Variants in ATP5MK observed in about 807,000 individuals in gnomAD.
The protein encoded by ATP5MK is ATP synthase F(0) complex subunit k, mitochondrial.
Under a neutral mutation model 6.6 loss-of-function variants are expected in ATP5MK, and 5 were observed. The ratio of observed to expected loss-of-function variants is 0.76; its 90% CI spans 0.40 to 1.60. ATP5MK has a LOEUF of 1.60. ATP5MK is among the 40% of genes most tolerant of loss of function. The pLI is 0.02. For synonymous variants in ATP5MK, 30 were observed against 24.5 expected, an observed-to-expected ratio of 1.22 and a Z score of -0.66; for missense variants, 57 against 66.6, an observed-to-expected ratio of 0.86 and a Z score of 0.50.
intron 4 of ATP5MK, among the ~76,000 whole-genome samples, chr10:103,390,618 G>C (rs566612791): frequency 6.6e-6 from 1 of 152,042 alleles, no homozygotes. Context: ...GTGAAACCCC[G>C]TCTCTACTAA....
intron 4 of ATP5MK, among the ~76,000 whole-genome samples, chr10:103,390,227 C>T (rs1592099151): frequency 6.6e-6 from 1 of 152,132 alleles, no homozygotes; most frequent in Non-Finnish European, 1.5e-5. Context: ...CACAGTGGCT[C>T]ATGCCTGTAA....
intron 2 of ATP5MK, among the ~76,000 whole-genome samples, chr10:103,395,503 A>G (rs2093430019): frequency 6.6e-6 from 1 of 150,866 alleles, no homozygotes; most frequent in South Asian, 2.1e-4. Flanking sequence ...TCACCATACT[A>G]CTCAGGCTGG....
chr10:103,389,733 T>TA, intron 4 of ATP5MK, among the ~76,000 whole-genome samples: 1 of 151,808 alleles, frequency 6.6e-6, no homozygotes, highest in East Asian at 2.0e-4. Flanking sequence ...TAAAGTAACA[T>TA]CTTTTTTTTT....
At chr10:103,394,935 G>A (rs960437966) in intron 2 of ATP5MK, among the ~76,000 whole-genome samples, 1 of 151,806 alleles carries the variant, frequency 6.6e-6, no homozygotes, top group Non-Finnish European at 1.5e-5. Flanking sequence ...ATACTACAGC[G>A]CTTTAAATTT....
intron 4 of ATP5MK, among the ~76,000 whole-genome samples, chr10:103,391,149 A>AT (rs1305133137): frequency 1.3e-5 from 2 of 152,104 alleles, no homozygotes; most frequent in South Asian, 2.1e-4. Flanking sequence ...AAAAAACACA[A>AT]TTTTTTTTAC....
intron 4 of ATP5MK, among the ~76,000 whole-genome samples, chr10:103,389,504 G>A (rs972974212): frequency 5.9e-5 from 9 of 151,768 alleles, no homozygotes; most frequent in Admixed American, 5.3e-4. Context: ...GTATTTTTTA[G>A]TAGAGACAGG....
rs1235995845 is a variant in ATP5MK at position 103,395,982 on chromosome 10, G to A, written c.-246C>T. 5 of 152,318 alleles carry A rather than the reference G, an allele frequency of 3.3e-5. No homozygotes were observed. The highest frequency in any genetic ancestry group is 3.3e-4 in the Admixed American group (5 of 15,288). 9.4% of individuals were successfully genotyped at this position (152,318 alleles called of 1,614,324 possible). A position where few individuals can be genotyped will look rare whatever the true frequency, so the allele number is the denominator to read the frequency against. Reference sequence around the variant, plus strand: ...TGAAAAAGGCTGCAGCGCACCTAAAGGAGGCCCGGCTGGCCAGCTTCCTAA... The same window carrying A: ...TGAAAAAGGCTGCAGCGCACCTAAAAGAGGCCCGGCTGGCCAGCTTCCTAA... On this transcript the variant is annotated 5_prime_UTR_variant, in exon 2 of 5. Transcript: ENST00000369815.
At chr10:103,394,498 G>A (rs1043302393) in intron 2 of ATP5MK, 2 of 354,254 alleles carry the variant, frequency 5.6e-6, no homozygotes, top group Admixed American at 3.1e-5. Flanking sequence ...GTAAAGAATT[G>A]GCAATGAAAA....
chr10:103,391,073 AGAAT>A (rs1296758836), intron 4 of ATP5MK, among the ~76,000 whole-genome samples: 2 of 152,264 alleles, frequency 1.3e-5, no homozygotes, highest in Non-Finnish European at 2.9e-5. Flanking sequence ...AAACATGTAT[AGAAT>A]GAATTGTATT....
intron 2 of ATP5MK, 22 bp from the exon 3 acceptor site, chr10:103,392,488 C>A (rs2093417714): frequency 2.0e-6 from 3 of 1,537,984 alleles, no homozygotes; most frequent in African/African-American, 1.4e-5. Context: ...AGAAAGAAAG[C>A]AACATTAAAT....
intron 2 of ATP5MK, among the ~76,000 whole-genome samples, chr10:103,394,034 A>C (rs574717513): frequency 1.3e-5 from 2 of 152,366 alleles, no homozygotes; most frequent in African/African-American, 4.8e-5. Context: ...CTACCTATTG[A>C]ATCAGAAACT....
chr10:103,392,045 G>C, intron 4 of ATP5MK, 146 bp downstream of exon 4: 1 of 645,818 alleles, frequency 1.5e-6, no homozygotes. Flanking sequence ...ACAGGTATGA[G>C]CCACTATACT....
chr10:103,392,273 G>A lies in ATP5MK; in HGVS notation c.98C>T (p.Ala33Val). ...AATCAATGCAATGCTTCCATATGTGGCCAGTACACACTGAGAAAGAAAGAA... is the reference window on the plus strand; with the variant it reads ...AATCAATGCAATGCTTCCATATGTGACCAGTACACACTGAGAAAGAAAGAA... Reference protein sequence around the residue: ...TLTGRMNCVLATYGSIALIVL... With the variant: ...TLTGRMNCVLVTYGSIALIVL... Residue 33 changes from alanine (A) to valine (V), a missense_variant, in exon 4 of 5, where the codon GCC becomes GTC. Coordinates refer to ENST00000369815, the MANE Select transcript of ATP5MK (RefSeq NM_001206427.2). 6.2e-7 allele frequency: 1 copy of A among 1,611,744 alleles called. No homozygotes were observed. The highest frequency in any genetic ancestry group is 8.5e-7 in the Non-Finnish European group (1 of 1,179,406).
In ATP5MK at chr10:103,396,410, T is replaced by G. The variant is rs560924798; in HGVS notation, c.-298A>C. On this transcript the variant is annotated splice_region_variant and 5_prime_UTR_variant, in exon 1 of 5. Transcript: ENST00000369815. ...GCCCGGACTCCCCTCTTCACCCACC[T>G]GCCAAAGCCGCAAATTCCGCAGCTG... 6.6e-6 allele frequency: 1 copy of G among 152,504 alleles called. No homozygotes were observed. Among genetic ancestry groups the G allele is most frequent in the East Asian group, 1.9e-4 (1 of 5,186 alleles). 9.4% of individuals were successfully genotyped at this position (152,504 alleles called of 1,614,324 possible).
intron 4 of ATP5MK, 104 bp from the exon 5 acceptor site, chr10:103,389,270 TTTA>T (rs2093406110): frequency 6.6e-6 from 1 of 152,218 alleles, no homozygotes; most frequent in South Asian, 2.1e-4. Flanking sequence ...TGAATGCGAA[TTTA>T]TTAGATTGTC....
chr10:103,389,554 C>CTCT (rs539967193), intron 4 of ATP5MK, among the ~76,000 whole-genome samples: 18 of 151,892 alleles, frequency 1.2e-4, no homozygotes, highest in Middle Eastern at 3.5e-3. Context: ...AACTCCTGAC[C>CTCT]TCAAGTGATC....
At chr10:103,394,377 A>G (rs1432922614) in intron 2 of ATP5MK, 2 of 526,850 alleles carry the variant, frequency 3.8e-6, no homozygotes, top group Non-Finnish European at 3.9e-6. Flanking sequence ...GTAGGCAGTG[A>G]CAGTGACTCA....
intron 4 of ATP5MK, among the ~76,000 whole-genome samples, chr10:103,391,058 A>G (rs2093413147): frequency 6.6e-6 from 1 of 152,236 alleles, no homozygotes; most frequent in Non-Finnish European, 1.5e-5. Flanking sequence ...CCAATTGATA[A>G]ATAAAAACAT....
Position 103,392,215 on chromosome 10 carries a change from A to C in ATP5MK, c.156T>G (p.Thr52=). 1 of 1,613,278 alleles carries C rather than the reference A, an allele frequency of 6.2e-7. No individual in the cohort carries two copies. Among genetic ancestry groups the C allele is most frequent in the African/African-American group, 1.3e-5 (1 of 74,996 alleles). Residue 52 remains threonine, a synonymous_variant, in exon 4 of 5, where the codon ACT becomes ACG. Coordinates refer to ENST00000369815, the MANE Select transcript of ATP5MK (RefSeq NM_001206427.2). The part of the protein sequence containing the change: ...VLYFKLRSKK[T]PAVKAT Reference sequence around the variant, plus strand: ...CCATTTATGTTGCTTTCACAGCTGGAGTTTTTTTGGACCTTAACTTGAAAT... The same window carrying C: ...CCATTTATGTTGCTTTCACAGCTGGCGTTTTTTTGGACCTTAACTTGAAAT...
Sources: gnomAD v4.1 joint callset for allele counts (sites outside exome capture counted in the v4.1 genomes callset) on GRCh38, gnomAD v4.1.1 for gene constraint, MANE v1.5 for transcripts, NCBI Gene and HGNC (gene_info 2026-07-23, HGNC 2026-07-21) for gene names.